Variants in TMIGD3 observed in about 807,000 individuals in gnomAD.
TMIGD3 encodes AD026 protein (AD026).
A neutral mutation model predicts 28.1 loss-of-function variants in TMIGD3; 21 were observed. That is an observed-to-expected ratio of 0.75 (90% CI 0.53 to 1.08). TMIGD3 has a LOEUF of 1.08. Among genes scored for constraint, TMIGD3 ranks in the 50% least tolerant of loss-of-function variants. The pLI, the probability that TMIGD3 is intolerant of heterozygous loss-of-function variation, is 0.00. For missense variants in TMIGD3, 416 were observed against 435.6 expected (o/e 0.96, Z 0.40); for synonymous variants, 151 against 162.1 (o/e 0.93, Z 0.52).
intron 1 of TMIGD3, among the ~76,000 whole-genome samples, chr1:111,524,625 C>T (rs1656201134): frequency 6.6e-6 from 1 of 151,890 alleles, no homozygotes; most frequent in Admixed American, 6.6e-5. Context: ...CCCCCTACCC[C>T]CATTTTTTTC....
At chr1:111,485,955 A>C (rs2275796) in intron 4 of TMIGD3, 115 bp from the exon 5 acceptor site, 1 of 728,894 alleles carries the variant, frequency 1.4e-6, no homozygotes, top group Admixed American at 2.7e-5. Context: ...ACCCAGTTAC[A>C]GTAGCTTCTG....
At position 111,486,644 on chromosome 1, in the gene TMIGD3, C is replaced by T; in HGVS notation, c.814G>A (p.Gly272Ser). The change falls in exon 4 of 6, where the codon GGC becomes AGC. Residue 272 changes from glycine to serine, a missense_variant. By Grantham distance (56) the Gly-to-Ser change is moderately conservative. Coordinates refer to ENST00000369716, the MANE Select transcript of TMIGD3 (RefSeq NM_020683.7). The stretch of plus-strand genomic sequence containing the variant: ...GCCTTGCAGCTTCTGGTTTTGTTGC[C>T]TGATAGGTCTGAATCAGAAAGGATT... ...NDFWSGKDLS[G>S]NKTRSCKAPK... The T allele has an allele frequency of 6.2e-7, 1 of 1,613,888 alleles. No individual in the cohort carries two copies.
At position 111,492,809 on chromosome 1, in the gene TMIGD3, G is replaced by A. The variant is rs1336092368; in HGVS notation, c.351-2047C>T. On this transcript the variant is annotated intron_variant, in intron 1 of 5. Coordinates refer to ENST00000369716, the MANE Select transcript of TMIGD3 (RefSeq NM_020683.7). ...AGCCGGGGCAACAGAGTGAGATGCT[G>A]TCTCAAAAAAAAAAAAAAAAAAAAG... Among the ~76,000 whole-genome samples the A allele has an allele frequency of 6.1e-4, 47 of 77,200 alleles. 2 individuals carry two copies. In the Admixed American group the frequency reaches 7.9e-3, roughly 13 times the overall value. 50.6% of individuals were successfully genotyped at this position (77,200 alleles called of 152,430 possible). A position where few individuals can be genotyped will look rare whatever the true frequency, so the allele number is the denominator to read the frequency against.
upstream of TMIGD3, among the ~76,000 whole-genome samples, chr1:111,505,617 A>G (rs1305699228): frequency 6.6e-6 from 1 of 152,240 alleles, no homozygotes; most frequent in Non-Finnish European, 1.5e-5. Flanking sequence ...TCTGGGAAAG[A>G]GGACAGAGAG....
intron 1 of TMIGD3, chr1:111,500,381 A>C: frequency 6.2e-7 from 1 of 1,614,230 alleles, no homozygotes; most frequent in East Asian, 2.2e-5. Context: ...TATACCATGT[A>C]GTCCATTCTC....
chr1:111,493,985 C>T (rs1357505118), intron 1 of TMIGD3, among the ~76,000 whole-genome samples: 1 of 148,818 alleles, frequency 6.7e-6, no homozygotes, highest in South Asian at 2.1e-4. Flanking sequence ...AGAAAATGTG[C>T]ATTTGGTTAA....
chr1:111,520,289 G>A (rs1656013232), intron 1 of TMIGD3, among the ~76,000 whole-genome samples: 1 of 152,230 alleles, frequency 6.6e-6, no homozygotes, highest in Admixed American at 6.5e-5. Flanking sequence ...TACATGTGCA[G>A]TCAGGTAGCT....
At chr1:111,496,887 C>T (rs977083632) in intron 1 of TMIGD3, among the ~76,000 whole-genome samples, 4 of 152,104 alleles carry the variant, frequency 2.6e-5, no homozygotes, top group African/African-American at 9.7e-5. Flanking sequence ...CTTTTTTCCC[C>T]AGTTGTCTTG....
Position 111,560,253 on chromosome 1 carries a change from C to T in TMIGD3, c.107+3593G>A, listed in dbSNP as rs558179254. Among the ~76,000 whole-genome samples the T allele has an allele frequency of 2.0e-4, 31 of 152,216 alleles. 1 individual carries two copies. The highest frequency in any genetic ancestry group is 7.5e-4 in the African/African-American group (31 of 41,520). Reference sequence around the variant, plus strand: ...CTTACAATCTTTAGAGCTGAACTAACAAAGAGAGTGAGGTCAATCGTTCTC... The same window carrying T: ...CTTACAATCTTTAGAGCTGAACTAATAAAGAGAGTGAGGTCAATCGTTCTC... On this transcript the variant is annotated intron_variant, in intron 1 of 5. Coordinates refer to the TMIGD3 transcript ENST00000369717.
At chr1:111,493,021 A>T (rs1173829678) in intron 1 of TMIGD3, among the ~76,000 whole-genome samples, 1 of 152,254 alleles carries the variant, frequency 6.6e-6, no homozygotes, top group African/African-American at 2.4e-5. Flanking sequence ...TTAGAAATAG[A>T]AAATGAAAAG....
At chr1:111,527,080 G>A (rs2800892) in intron 1 of TMIGD3, among the ~76,000 whole-genome samples, 36 of 127,164 alleles carry the variant, frequency 2.8e-4, no homozygotes, top group Non-Finnish European at 4.7e-4. Context: ...GTGTGATCTC[G>A]GCTTATTGCA....
At position 111,503,362 on chromosome 1, in the gene TMIGD3, T is replaced by C. The variant is rs752949667; in HGVS notation, c.-8A>G. ...AGTGCTGTTGTTGGGCATCTTGCCT[T>C]CCCAGGGGAACCTCCACAGGGACAG... On this transcript the variant is annotated 5_prime_UTR_variant, in exon 1 of 6. Coordinates refer to ENST00000369716, the MANE Select transcript of TMIGD3 (RefSeq NM_020683.7). 1 of 1,602,598 alleles carries C rather than the reference T, an allele frequency of 6.2e-7. No homozygotes were observed. The highest frequency in any genetic ancestry group is 1.3e-5 in the African/African-American group (1 of 74,906).
At chr1:111,487,497 C>CA (rs1488585986) in intron 3 of TMIGD3, among the ~76,000 whole-genome samples, 1 of 150,500 alleles carries the variant, frequency 6.6e-6, no homozygotes, top group East Asian at 1.9e-4. Context: ...CAAGAAGGCA[C>CA]AGGGGAAAGA....
chr1:111,491,566 G>A (rs1401923710), intron 1 of TMIGD3, among the ~76,000 whole-genome samples: 1 of 152,218 alleles, frequency 6.6e-6, no homozygotes, highest in Non-Finnish European at 1.5e-5. Flanking sequence ...CCTCTCTGGA[G>A]GAAGGGGAGC....
chr1:111,495,468 T>C (rs1252783684), intron 1 of TMIGD3, among the ~76,000 whole-genome samples: 2 of 152,180 alleles, frequency 1.3e-5, no homozygotes, highest in African/African-American at 4.8e-5. Context: ...AAATAAGAGA[T>C]ACCAGTGAAG....
chr1:111,502,946 G>T (rs1167663869), intron 1 of TMIGD3, 59 bp downstream of exon 1: 1 of 1,588,580 alleles, frequency 6.3e-7, no homozygotes, highest in Non-Finnish European at 8.6e-7. Flanking sequence ...TGGGCTCTGG[G>T]CTTTGTAGCC....
chr1:111,503,414 G>A lies in TMIGD3; in HGVS notation c.-60C>T. Reference sequence around the variant, plus strand: ...TGAGCCAGCAAGATCCGTCTGTAGGGCCAGTGGGCCTAGCTCTCGCCAGAC... The same window carrying A: ...TGAGCCAGCAAGATCCGTCTGTAGGACCAGTGGGCCTAGCTCTCGCCAGAC... On this transcript the variant is annotated 5_prime_UTR_variant, in exon 1 of 6. Transcript: ENST00000369716. 1 of 1,536,896 alleles carries A rather than the reference G, an allele frequency of 6.5e-7. No individual in the cohort carries two copies. Among genetic ancestry groups the A allele is most frequent in the Non-Finnish European group, 8.8e-7 (1 of 1,137,028 alleles).
chr1:111,531,469 T>C (rs925808563), intron 1 of TMIGD3, among the ~76,000 whole-genome samples: 1 of 152,166 alleles, frequency 6.6e-6, no homozygotes, highest in African/African-American at 2.4e-5. Context: ...GTCTTCCATG[T>C]CTCTATCTAA....
At chr1:111,491,489 TCACATCCCAGAGCCAG>T (rs1451630570) in intron 1 of TMIGD3, among the ~76,000 whole-genome samples, 1 of 152,242 alleles carries the variant, frequency 6.6e-6, no homozygotes, top group Non-Finnish European at 1.5e-5. Flanking sequence ...GTGCTACTTA[TCACATCCCAGAGCCAG>T]CACATCCCAT....
Sources: allele counts gnomAD v4.1 joint callset (sites outside exome capture counted in the v4.1 genomes callset), GRCh38; gene constraint gnomAD v4.1.1; transcripts MANE v1.5; gene names NCBI Gene and HGNC (gene_info 2026-07-23, HGNC 2026-07-21).